Variants in PCDHGB1 observed in about 807,000 individuals in gnomAD.
The protein encoded by PCDHGB1 is protocadherin gamma-B1.
Under a neutral mutation model 56.6 loss-of-function variants are expected in PCDHGB1, and 34 were observed. The ratio of observed to expected loss-of-function variants is 0.60; its 90% CI spans 0.46 to 0.80. The LOEUF (loss-of-function observed/expected upper bound fraction) is 0.80. PCDHGB1 is among the 30% of genes least tolerant of loss of function. The pLI, the probability that PCDHGB1 is intolerant of heterozygous loss-of-function variation, is 0.00. For missense variants in PCDHGB1, 1,278 were observed against 1,204.6 expected (o/e 1.06, Z -0.90); for synonymous variants, 561 against 505.9 (o/e 1.11, Z -1.46).
intron 1 of PCDHGB1, among the ~76,000 whole-genome samples, chr5:141,484,138 G>A (rs184277779): frequency 6.6e-6 from 1 of 152,244 alleles, no homozygotes; most frequent in Admixed American, 6.5e-5. Context: ...TCAGATAAAG[G>A]GAATTTGTAG....
chr5:141,447,164 G>T (rs2098528799), intron 1 of PCDHGB1, among the ~76,000 whole-genome samples: 1 of 151,766 alleles, frequency 6.6e-6, no homozygotes, highest in South Asian at 2.1e-4. Context: ...GTTTAAGCGG[G>T]GTCTTGCTCT....
intron 3 of PCDHGB1, among the ~76,000 whole-genome samples, chr5:141,508,711 T>G (rs1201917424): frequency 6.6e-6 from 1 of 152,058 alleles, no homozygotes; most frequent in Admixed American, 6.5e-5. Flanking sequence ...CTCATTCTTT[T>G]CTGTGTGCAG....
intron 1 of PCDHGB1, chr5:141,371,718 A>T (rs1191526865): frequency 6.2e-7 from 1 of 1,613,946 alleles, no homozygotes; most frequent in Non-Finnish European, 8.5e-7. Flanking sequence ...CACTCTGCAC[A>T]TCCTTGATGT....
At chr5:141,421,960 C>G in intron 1 of PCDHGB1, 3 of 1,612,526 alleles carry the variant, frequency 1.9e-6, no homozygotes, top group Non-Finnish European at 2.5e-6. Context: ...AATGTTTACA[C>G]AGTCCGTATA....
chr5:141,412,930 C>A, intron 1 of PCDHGB1: 1 of 451,594 alleles, frequency 2.2e-6, no homozygotes, highest in Non-Finnish European at 3.9e-6. Context: ...GCAGTAACTT[C>A]TTAGGACTCT....
At chr5:141,456,723 G>A (rs1005891499) in intron 1 of PCDHGB1, among the ~76,000 whole-genome samples, 3 of 152,196 alleles carry the variant, frequency 2.0e-5, no homozygotes, top group Admixed American at 6.5e-5. Flanking sequence ...CCAGCACTTT[G>A]GGAGGCTGAG....
Position 141,394,314 on chromosome 5 carries a change from CT to C in PCDHGB1, c.2409+41646del, listed in dbSNP as rs772070804. On this transcript the variant is annotated intron_variant, in intron 1 of 3. Transcript: ENST00000523390. ...CGAGGACACGCTGCAGGGGGCGCCC[CT>C]GTCCTCGTATATCTCCATCAACTCT... 4.3e-6 allele frequency: 7 copies of C among 1,614,038 alleles called. 1 individual carries two copies. Among genetic ancestry groups the C allele is most frequent in the East Asian group, 4.5e-5 (2 of 44,882 alleles).
At chr5:141,430,021 T>C (rs2097257368) in intron 1 of PCDHGB1, among the ~76,000 whole-genome samples, 1 of 152,226 alleles carries the variant, frequency 6.6e-6, no homozygotes, top group Admixed American at 6.5e-5. Context: ...TGGGTTCTTG[T>C]TAAGTGTGAT....
chr5:141,410,602 T>A, intron 1 of PCDHGB1: 4 of 1,607,792 alleles, frequency 2.5e-6, no homozygotes, highest in South Asian at 2.2e-5. Flanking sequence ...TGACTTCACA[T>A]CCTGAGACTC....
chr5:141,399,859 G>A (rs2093908235), intron 1 of PCDHGB1: 1 of 1,612,726 alleles, frequency 6.2e-7, no homozygotes, highest in Admixed American at 1.7e-5. Flanking sequence ...GCCGCGCGCT[G>A]CAGAGCCCGG....
rs1180919465 is a variant in PCDHGB1 at position 141,410,681 on chromosome 5, G to A, written c.2409+58012G>A. On this transcript the variant is annotated intron_variant, in intron 1 of 3. Coordinates refer to ENST00000523390, the MANE Select transcript of PCDHGB1 (RefSeq NM_018922.3). ...AGTCTACTAGTTTCTCATATTTTAG[G>A]CATACTACTTTATTTTCATATCTAG... The A allele has an allele frequency of 3.9e-6, 6 of 1,535,084 alleles. No homozygotes were observed. The East Asian group carries it at 1.4e-4, about 35-fold the overall frequency.
At chr5:141,362,594 T>C in intron 1 of PCDHGB1, 1 of 1,586,338 alleles carries the variant, frequency 6.3e-7, no homozygotes. Context: ...TCTGGTTTTA[T>C]TGTTTCACCT....
chr5:141,350,741 G>C lies in PCDHGB1; in HGVS notation c.481G>C (p.Gly161Arg). The C allele has an allele frequency of 6.2e-7, 1 of 1,613,944 alleles. No homozygotes were observed. The highest frequency in any genetic ancestry group is 1.1e-5 in the South Asian group (1 of 91,090). Residue 161 changes from glycine (G) to arginine (R), a missense_variant, in exon 1 of 4, where the codon GGC becomes CGC. Coordinates refer to ENST00000523390, the MANE Select transcript of PCDHGB1 (RefSeq NM_018922.3). ...TTCTGCTCAAGATGCAGATGTGGAA[G>C]GCAATTCACTGAAGTTATACACCAT... The part of the protein sequence containing the change: ...LDSAQDADVE[G>R]NSLKLYTINP...
chr5:141,404,738 A>C (rs1361110725), intron 1 of PCDHGB1: 24 of 1,613,674 alleles, frequency 1.5e-5, no homozygotes, highest in Non-Finnish European at 1.9e-5. Flanking sequence ...GGCAGTGGAC[A>C]GAGACTCAGG....
intron 1 of PCDHGB1, among the ~76,000 whole-genome samples, chr5:141,354,461 AT>A (rs1759548811): frequency 6.6e-6 from 1 of 152,206 alleles, no homozygotes; most frequent in Admixed American, 6.5e-5. Flanking sequence ...TGTCAATCTC[AT>A]TTGTACAGGG....
At chr5:141,505,015 A>G (rs965107997) in intron 2 of PCDHGB1, among the ~76,000 whole-genome samples, 1 of 152,160 alleles carries the variant, frequency 6.6e-6, no homozygotes, top group Admixed American at 6.5e-5. Flanking sequence ...TACAAAAATT[A>G]GCCTGGCACA....
intron 1 of PCDHGB1, chr5:141,355,265 T>A: frequency 6.2e-7 from 1 of 1,613,204 alleles, no homozygotes; most frequent in Non-Finnish European, 8.5e-7. Context: ...CTCCTGGGGG[T>A]TCTGGTGGAA....
At chr5:141,402,202 A>G (rs1223519214) in intron 1 of PCDHGB1, among the ~76,000 whole-genome samples, 1 of 152,138 alleles carries the variant, frequency 6.6e-6, no homozygotes. Flanking sequence ...CTTTTATAAT[A>G]CAAAAATTTA....
In PCDHGB1 at chr5:141,472,878, C is replaced by T. The variant is rs774209715; in HGVS notation, c.2410-21929C>T. ...GCACATGCCTGTATTCCCAGCTACT[C>T]GGGAGGCTGAGGCAGGAGAATTGCT... On this transcript the variant is annotated intron_variant, in intron 1 of 3. Transcript: ENST00000523390. 6.8e-5 allele frequency among the ~76,000 whole-genome samples: 10 copies of T among 146,132 alleles called. 1 individual carries two copies. The highest frequency in any genetic ancestry group is 4.2e-4 in the East Asian group (2 of 4,758).
Sources: allele counts gnomAD v4.1 joint callset (sites outside exome capture counted in the v4.1 genomes callset), GRCh38; gene constraint gnomAD v4.1.1; transcripts MANE v1.5; gene names NCBI Gene and HGNC (gene_info 2026-07-23, HGNC 2026-07-21).